OGDH: variants seen among roughly 807,000 people sequenced by gnomAD.
The protein encoded by OGDH is 2-oxoglutarate dehydrogenase complex component E1.
Under a neutral mutation model 116.6 loss-of-function variants are expected in OGDH, and 38 were observed. The observed-to-expected ratio is 0.33, with a 90% CI of 0.25 to 0.43. The LOEUF (loss-of-function observed/expected upper bound fraction) is 0.43. Among genes scored for constraint, OGDH ranks in the 20% least tolerant of loss-of-function variants. The pLI is 1.00. For missense variants in OGDH, 825 were observed against 1,357.2 expected (o/e 0.61, Z 6.16); for synonymous variants, 488 against 533.3 (o/e 0.92, Z 1.17).
chr7:44,660,762 C>T (rs1786901274), intron 4 of OGDH, among the ~76,000 whole-genome samples: 2 of 152,056 alleles, frequency 1.3e-5, no homozygotes, highest in Non-Finnish European at 2.9e-5. Flanking sequence ...CTGTTTCCAC[C>T]ACCACCAACA....
chr7:44,700,085 C>T, intron 18 of OGDH, 56 bp from the exon 19 acceptor site: 1 of 1,593,190 alleles, frequency 6.3e-7, no homozygotes, highest in Admixed American at 1.7e-5. Context: ...CCCCCACATG[C>T]CCCAGAAGAC....
In OGDH at chr7:44,647,462, G is replaced by A. The variant is rs754874444; in HGVS notation, c.415-195G>A. The A allele has an allele frequency of 7.2e-6, 11 of 1,538,048 alleles. No individual in the cohort carries two copies. The South Asian group carries it at 1.3e-4, about 18-fold the overall frequency. ...CTTCCAGGTCAGGGGTCACCACATT[G>A]CAAAACTTGATCCTCTCGGAATTAG... is the stretch of plus-strand genomic sequence containing the variant. On this transcript the variant is annotated intron_variant, in intron 3 of 22. Transcript: ENST00000222673.
rs750934241 is a variant in OGDH, at chr7:44,674,574, G to A, written c.935+17G>A. On this transcript the variant is annotated intron_variant, in intron 7 of 22. Coordinates refer to ENST00000222673, the MANE Select transcript of OGDH (RefSeq NM_002541.4). ...GCCACACAGGTACAGCCAAGGGCGCGCCCAACCTGGTTTCTCACCATCCCT... is the reference window on the plus strand; with the variant it reads ...GCCACACAGGTACAGCCAAGGGCGCACCCAACCTGGTTTCTCACCATCCCT... 9.9e-6 allele frequency: 16 copies of A among 1,613,116 alleles called. No homozygotes were observed. The South Asian group carries it at 1.1e-4, about 11-fold the overall frequency.
At position 44,696,631 on chromosome 7, in the gene OGDH, C is replaced by G; in HGVS notation, c.1900+74C>G. ...GGCGACGACTGTCTAGGACTGTGAC[C>G]TTGGCCCCCACCCATCATGTGTCCT... On this transcript the variant is annotated intron_variant, in intron 14 of 22. Transcript: ENST00000222673. 1.9e-6 allele frequency: 3 copies of G among 1,583,038 alleles called. No individual in the cohort carries two copies. In the Admixed American group the frequency reaches 5.2e-5, roughly 27 times the overall value.
intron 1 of OGDH, among the ~76,000 whole-genome samples, chr7:44,620,193 G>A (rs1158655201): frequency 2.0e-5 from 3 of 152,156 alleles, no homozygotes; most frequent in Admixed American, 2.0e-4. Flanking sequence ...GCTAATTTTT[G>A]TATTTTTAGT....
At position 44,638,174 on chromosome 7, in the gene OGDH, G is replaced by A. The variant is rs539443493; in HGVS notation, c.223-7153G>A. On this transcript the variant is annotated intron_variant, in intron 2 of 22. Transcript: ENST00000222673. ...GCAAGGGGACAGATATTTTCCTTAC[G>A]TTATTAGTTGTGCAACAGAAGCCAA... Among the ~76,000 whole-genome samples the A allele has an allele frequency of 7.9e-5, 12 of 152,246 alleles. No individual in the cohort carries two copies. The South Asian group carries it at 2.1e-3, about 26-fold the overall frequency.
intron 4 of OGDH, among the ~76,000 whole-genome samples, chr7:44,652,850 A>G (rs117474259): frequency 1.7e-4 from 26 of 152,260 alleles, no homozygotes; most frequent in Non-Finnish European, 2.9e-4. Flanking sequence ...TGGCAGCCCA[A>G]CGTCTTCTGG....
intron 1 of OGDH, among the ~76,000 whole-genome samples, chr7:44,607,755 C>G (rs2117189822): frequency 1.3e-5 from 2 of 152,268 alleles, no homozygotes; most frequent in East Asian, 3.9e-4. Context: ...GGCTGGAGTG[C>G]TGTGGCGCGA....
chr7:44,699,582 G>C (rs1029393243), intron 18 of OGDH, among the ~76,000 whole-genome samples: 7 of 152,144 alleles, frequency 4.6e-5, no homozygotes, highest in Non-Finnish European at 2.9e-5. Context: ...GTGGGACTGA[G>C]GCTCTCCTCC....
chr7:44,699,217 G>A (rs1229322490), intron 18 of OGDH, among the ~76,000 whole-genome samples: 1 of 152,032 alleles, frequency 6.6e-6, no homozygotes, highest in Non-Finnish European at 1.5e-5. Context: ...CACGAGGCCA[G>A]GAGTTTGAGA....
chr7:44,626,454 C>T (rs1785213237), intron 2 of OGDH, among the ~76,000 whole-genome samples: 1 of 152,098 alleles, frequency 6.6e-6, no homozygotes, highest in Non-Finnish European at 1.5e-5. Context: ...TTTTGCCTTC[C>T]TTTTCTCAAA....
Position 44,674,408 on chromosome 7 carries a change from C to G in OGDH, c.789-3C>G. On this transcript the variant is annotated splice_polypyrimidine_tract_variant and splice_region_variant and intron_variant, in intron 6 of 22. Transcript: ENST00000222673. Reference sequence around the variant, plus strand: ...CTTCAAGGTGGCTTGGTTCCCTGTCCAGGTTTGAGGAGTTCCTACAGCGGA... The same window carrying G: ...CTTCAAGGTGGCTTGGTTCCCTGTCGAGGTTTGAGGAGTTCCTACAGCGGA... The G allele has an allele frequency of 6.2e-7, 1 of 1,613,958 alleles. No individual in the cohort carries two copies. Among genetic ancestry groups the G allele is most frequent in the Non-Finnish European group, 8.5e-7 (1 of 1,179,970 alleles).
chr7:44,699,008 G>A (rs1277430727), intron 18 of OGDH, among the ~76,000 whole-genome samples: 3 of 151,692 alleles, frequency 2.0e-5, no homozygotes, highest in Admixed American at 1.3e-4. Flanking sequence ...GCTGGGCATG[G>A]TGGCGCCCAC....
At chr7:44,664,633 C>T (rs956512704) in intron 4 of OGDH, among the ~76,000 whole-genome samples, 1 of 152,152 alleles carries the variant, frequency 6.6e-6, no homozygotes, top group African/African-American at 2.4e-5. Context: ...GCCTTGAGAC[C>T]TCCCTAGCTG....
intron 18 of OGDH, among the ~76,000 whole-genome samples, chr7:44,698,702 G>A (rs1330948627): frequency 2.6e-5 from 4 of 151,958 alleles, no homozygotes; most frequent in East Asian, 3.9e-4. Context: ...GTAGCTGGGC[G>A]TGATGGTGCA....
chr7:44,665,755 G>T (rs1015520741), intron 4 of OGDH, among the ~76,000 whole-genome samples: 5 of 152,148 alleles, frequency 3.3e-5, no homozygotes, highest in African/African-American at 1.2e-4. Context: ...GTATTCAAGC[G>T]CTAGTGATTC....
intron 4 of OGDH, among the ~76,000 whole-genome samples, chr7:44,666,206 G>A (rs1562652823): frequency 6.6e-6 from 1 of 152,186 alleles, no homozygotes; most frequent in African/African-American, 2.4e-5. Context: ...CAACAGACAA[G>A]TTGACTTCTG....
chr7:44,675,188 A>G lies in OGDH; in HGVS notation c.946A>G (p.Asn316Asp). The change falls in exon 8 of 23, where the codon AAC becomes GAC. Residue 316 changes from asparagine to aspartate, a missense_variant. By Grantham distance (23) the Asn-to-Asp change is conservative. Transcript: ENST00000222673. ...GCCCATACGTTCCAGAGGGCGGCTGAACGTGCTTGCAAATGTCATCAGGAA... is the reference window on the plus strand; with the variant it reads ...GCCCATACGTTCCAGAGGGCGGCTGGACGTGCTTGCAAATGTCATCAGGAA... ...IMGMPHRGRL[N>D]VLANVIRKEL... 1 of 1,614,096 alleles carries G rather than the reference A, an allele frequency of 6.2e-7. No individual in the cohort carries two copies. Among genetic ancestry groups the G allele is most frequent in the Non-Finnish European group, 8.5e-7 (1 of 1,179,984 alleles).
chr7:44,649,597 C>T (rs1786345161), intron 4 of OGDH, among the ~76,000 whole-genome samples: 1 of 152,108 alleles, frequency 6.6e-6, no homozygotes, highest in Non-Finnish European at 1.5e-5. Flanking sequence ...CCTTCCAGAA[C>T]CTGCATTGTC....
Sources: allele counts gnomAD v4.1 joint callset (sites outside exome capture counted in the v4.1 genomes callset), GRCh38; gene constraint gnomAD v4.1.1; transcripts MANE v1.5; gene names NCBI Gene and HGNC (gene_info 2026-07-23, HGNC 2026-07-21).